The following FRY variants were observed in gnomAD, a reference collection of about 807,000 sequenced individuals.
FRY encodes protein furry homolog.
FRY carries 128 observed loss-of-function variants against 348.4 expected under a neutral mutation model. That is an observed-to-expected ratio of 0.37 (90% CI 0.32 to 0.43). The LOEUF is 0.43. Ranked by LOEUF, FRY falls within the 20% of genes least tolerant of loss-of-function variation. FRY has a pLI of 1.00. For synonymous variants in FRY, 1,370 were observed against 1,374.7 expected (o/e 1.00, Z 0.08); for missense variants, 2,736 against 3,695.2 (o/e 0.74, Z 6.73).
At chr13:32,268,505 A>AAAAAAAATATAT (rs1555273232) in intron 55 of FRY, among the ~76,000 whole-genome samples, 1 of 28,304 alleles carries the variant, frequency 3.5e-5, no homozygotes, top group African/African-American at 9.3e-5. Flanking sequence ...AAAAAAAAAA[A>AAAAAAAATATAT]ATATATATAT....
At chr13:32,060,817 G>T (rs1873900069) in intron 1 of FRY, 1 of 290,474 alleles carries the variant, frequency 3.4e-6, no homozygotes, top group Admixed American at 4.3e-5. Flanking sequence ...CGGGCACTCT[G>T]TGAGTTGTAG....
chr13:32,193,630 G>A (rs1883489883), intron 28 of FRY, among the ~76,000 whole-genome samples: 1 of 131,746 alleles, frequency 7.6e-6, no homozygotes, highest in African/African-American at 2.9e-5. Context: ...CTGTCACCCA[G>A]CCTGGAGTGC....
intron 51 of FRY, 158 bp from the exon 52 acceptor site, chr13:32,261,458 T>C (rs1190108937): frequency 1.3e-6 from 1 of 780,308 alleles, no homozygotes; most frequent in South Asian, 1.4e-5. Context: ...TTTACTACTT[T>C]TCACATTGGG....
Position 32,224,284 on chromosome 13 carries a change from C to A in FRY, c.4815C>A (p.Thr1605=). The A allele has an allele frequency of 1.2e-6, 2 of 1,613,952 alleles. No homozygotes were observed. The highest frequency in any genetic ancestry group is 1.7e-6 in the Non-Finnish European group (2 of 1,179,890). ...GCTGGTTGCTGACTATTACAGAGAC[C>A]AAGCAGCCGCAGCCCTTACCGATGC... ...YTGWLLTITE[T]KQPQPLPMPC... The change falls in exon 37 of 61, where the codon ACC becomes ACA. Residue 1605 remains threonine (T), a synonymous_variant. Coordinates refer to ENST00000542859, the MANE Select transcript of FRY (RefSeq NM_023037.3).
At chr13:32,219,022 A>G (rs1390665742) in intron 36 of FRY, among the ~76,000 whole-genome samples, 191 bp downstream of exon 36, 4 of 151,414 alleles carry the variant, frequency 2.6e-5, no homozygotes, top group African/African-American at 9.7e-5. Flanking sequence ...AAAACCATGG[A>G]CAAATCAAAA....
intron 31 of FRY, among the ~76,000 whole-genome samples, chr13:32,205,745 T>C (rs1302127613): frequency 6.6e-6 from 1 of 151,550 alleles, no homozygotes; most frequent in African/African-American, 2.4e-5. Flanking sequence ...GAAGAGGGAG[T>C]ATCAAGATTA....
chr13:32,179,939 C>G (rs1033086785), intron 23 of FRY, 140 bp downstream of exon 23: 1 of 820,664 alleles, frequency 1.2e-6, no homozygotes, highest in Non-Finnish European at 2.1e-6. Flanking sequence ...ACTACATCGT[C>G]TTGGTTGATG....
At chr13:32,126,244 C>T (rs1879010523) in intron 7 of FRY, among the ~76,000 whole-genome samples, 1 of 146,964 alleles carries the variant, frequency 6.8e-6, no homozygotes, top group African/African-American at 2.5e-5. Flanking sequence ...CATAAACTTT[C>T]AGCTGTCATT....
intron 44 of FRY, among the ~76,000 whole-genome samples, chr13:32,238,333 T>C (rs1213961440): frequency 2.0e-5 from 3 of 152,180 alleles, no homozygotes; most frequent in Non-Finnish European, 4.4e-5. Flanking sequence ...TCTTTTATTT[T>C]TTTCTTTGCT....
chr13:32,226,669 T>C (rs1885601427), intron 39 of FRY, among the ~76,000 whole-genome samples: 1 of 152,222 alleles, frequency 6.6e-6, no homozygotes, highest in African/African-American at 2.4e-5. Flanking sequence ...TACCTATTCA[T>C]TTTACACATT....
intron 2 of FRY, among the ~76,000 whole-genome samples, chr13:32,079,584 G>A (rs144074013): frequency 9.5e-4 from 145 of 152,216 alleles, no homozygotes; most frequent in African/African-American, 3.1e-3. Context: ...CTTACCTTTA[G>A]TTCCCTCATT....
Position 32,209,593 on chromosome 13 carries a change from T to A in FRY, c.4284T>A (p.Asp1428Glu). 6.2e-7 allele frequency: 1 copy of A among 1,614,092 alleles called. No individual in the cohort carries two copies. Among genetic ancestry groups the A allele is most frequent in the Non-Finnish European group, 8.5e-7 (1 of 1,179,986 alleles). Reference protein sequence around the residue: ...NLMYMTAKYGDEVPGPEMENA... With the variant: ...NLMYMTAKYGEEVPGPEMENA... ...TTTTTATTTTGTTATAGTATGGAGA[T>A]GAAGTTCCTGGGCCAGAAATGGAAA... is the stretch of plus-strand genomic sequence containing the variant. Residue 1428 changes from aspartate to glutamate, a missense_variant, in exon 33 of 61, where the codon GAT becomes GAA. By Grantham distance (45) the Asp-to-Glu change is conservative (BLOSUM62 2). Around this residue, in one of 9 missense-constraint regions of FRY, gnomAD observed 794 missense variants for 977.0 expected, o/e 0.81. Transcript: ENST00000542859.
At chr13:32,186,130 G>A (rs1883013596) in intron 26 of FRY, 130 bp from the exon 27 acceptor site, 1 of 767,122 alleles carries the variant, frequency 1.3e-6, no homozygotes, top group South Asian at 1.5e-5. Flanking sequence ...TTAAGTGCAT[G>A]TTTCATTGCC....
intron 1 of FRY, among the ~76,000 whole-genome samples, chr13:32,042,854 G>T (rs1205004671): frequency 2.6e-5 from 4 of 152,188 alleles, no homozygotes; most frequent in Non-Finnish European, 5.9e-5. Context: ...CTGGCACTGG[G>T]CTGGGTACAC....
chr13:32,274,446 A>G (rs61948362), intron 55 of FRY, among the ~76,000 whole-genome samples: 21,819 of 151,936 alleles, frequency 0.14, 2,007 homozygotes, highest in East Asian at 0.3. Context: ...AGTGGCTCAC[A>G]CCTGTAATCC....
At chr13:32,061,933 TAGG>T (rs1240271649) in intron 1 of FRY, among the ~76,000 whole-genome samples, 1 of 152,038 alleles carries the variant, frequency 6.6e-6, no homozygotes, top group Non-Finnish European at 1.5e-5. Context: ...TTAGTGAAGG[TAGG>T]AGAAGTTAAC....
chr13:32,179,503 TTGTG>T (rs10628771), intron 22 of FRY, among the ~76,000 whole-genome samples, 168 bp from the exon 23 acceptor site: 1,550 of 137,620 alleles, frequency 0.011, 21 homozygotes, highest in African/African-American at 0.037. Context: ...TGTATTAAAT[TTGTG>T]TGTGTGTGTG....
At chr13:32,276,650 C>T (rs941270878) in intron 57 of FRY, 88 bp downstream of exon 57, 4 of 782,368 alleles carry the variant, frequency 5.1e-6, no homozygotes, top group South Asian at 4.1e-5. Flanking sequence ...TTGTGATTAA[C>T]TTAAGACTTT....
At chr13:32,287,434 T>C (rs576318189) in intron 58 of FRY, among the ~76,000 whole-genome samples, 6 of 152,344 alleles carry the variant, frequency 3.9e-5, no homozygotes, top group Admixed American at 6.5e-5. Flanking sequence ...TTAAAGACTC[T>C]GCCTTAATAC....
Sources: allele counts gnomAD v4.1 joint callset (sites outside exome capture counted in the v4.1 genomes callset), GRCh38; gene constraint gnomAD v4.1.1; regional missense constraint gnomAD v4.1.1; transcripts MANE v1.5; gene names NCBI Gene and HGNC (gene_info 2026-07-23, HGNC 2026-07-21).